The following MFHAS1 variants were observed in gnomAD, a reference collection of about 807,000 sequenced individuals.
The protein encoded by MFHAS1 is multifunctional ROCO family signaling regulator 1, also known as malignant fibrous histiocytoma-amplified sequence 1.
Under a neutral mutation model 70.4 loss-of-function variants are expected in MFHAS1, and 50 were observed. The observed-to-expected ratio is 0.71, with a 90% CI of 0.57 to 0.90. MFHAS1 has a LOEUF of 0.90. Ranked by LOEUF, MFHAS1 falls within the 40% of genes least tolerant of loss-of-function variation. MFHAS1 has a pLI of 0.00. For missense variants in MFHAS1, 1,795 were observed against 1,347.6 expected, an observed-to-expected ratio of 1.33 and a Z score of -5.20; for synonymous variants, 952 against 620.0, an observed-to-expected ratio of 1.54 and a Z score of -7.96.
chr8:8,806,682 C>T (rs866249282), intron 1 of MFHAS1, among the ~76,000 whole-genome samples: 2 of 152,110 alleles, frequency 1.3e-5, no homozygotes, highest in Non-Finnish European at 2.9e-5. Context: ...AGAAAGGGGC[C>T]GGGTCCGGTG....
At chr8:8,797,208 A>G (rs1248323562) in intron 2 of MFHAS1, among the ~76,000 whole-genome samples, 157 bp downstream of exon 2, 1 of 152,076 alleles carries the variant, frequency 6.6e-6, no homozygotes, top group Non-Finnish European at 1.5e-5. Flanking sequence ...TTTGCTGCAT[A>G]AATCATGATG....
At chr8:8,872,901 A>G (rs1809133611) in intron 1 of MFHAS1, among the ~76,000 whole-genome samples, 1 of 152,228 alleles carries the variant, frequency 6.6e-6, no homozygotes, top group Non-Finnish European at 1.5e-5. Context: ...TACATTCAAA[A>G]GAACACCTGC....
chr8:8,807,583 C>G (rs1379763842), intron 1 of MFHAS1, among the ~76,000 whole-genome samples: 2 of 152,150 alleles, frequency 1.3e-5, no homozygotes, highest in Admixed American at 6.5e-5. Flanking sequence ...TTCACTGAAC[C>G]TTCTTCTGAG....
intron 1 of MFHAS1, among the ~76,000 whole-genome samples, chr8:8,889,727 C>T (rs754892252): frequency 6.6e-6 from 1 of 152,216 alleles, no homozygotes; most frequent in Non-Finnish European, 1.5e-5. Flanking sequence ...ACATCGGACA[C>T]TGTCCAGAAT....
intron 1 of MFHAS1, among the ~76,000 whole-genome samples, chr8:8,802,590 G>A (rs903326343): frequency 6.6e-6 from 1 of 152,216 alleles, no homozygotes; most frequent in Non-Finnish European, 1.5e-5. Context: ...ACAGATTTCT[G>A]TTCCTTATAA....
chr8:8,806,905 G>C (rs1008956428), intron 1 of MFHAS1, among the ~76,000 whole-genome samples: 1 of 152,000 alleles, frequency 6.6e-6, no homozygotes, highest in South Asian at 2.1e-4. Context: ...AGGTTGCAGA[G>C]AGCCGAGATT....
intron 1 of MFHAS1, among the ~76,000 whole-genome samples, chr8:8,806,859 G>C (rs948392900): frequency 1.3e-5 from 2 of 152,170 alleles, no homozygotes; most frequent in African/African-American, 4.8e-5. Context: ...AACTTGGGAG[G>C]CTGAGGCAGG....
At chr8:8,846,936 G>C (rs1332234860) in intron 1 of MFHAS1, among the ~76,000 whole-genome samples, 1 of 152,094 alleles carries the variant, frequency 6.6e-6, no homozygotes, top group Non-Finnish European at 1.5e-5. Context: ...ACAAATGCTT[G>C]CAGAATGAAG....
chr8:8,866,384 T>A (rs1220048882), intron 1 of MFHAS1, among the ~76,000 whole-genome samples: 1 of 151,618 alleles, frequency 6.6e-6, no homozygotes, highest in Non-Finnish European at 1.5e-5. Context: ...GGTGGCGTAA[T>A]CTCAGCTCAC....
chr8:8,843,200 C>G (rs887328964), intron 1 of MFHAS1, among the ~76,000 whole-genome samples: 1 of 150,854 alleles, frequency 6.6e-6, no homozygotes, highest in Admixed American at 6.6e-5. Context: ...ACCCCGGAAG[C>G]GGAGCTTGCA....
chr8:8,858,980 TAC>T (rs1218282011), intron 1 of MFHAS1, among the ~76,000 whole-genome samples: 1 of 152,224 alleles, frequency 6.6e-6, no homozygotes, highest in Admixed American at 6.5e-5. Flanking sequence ...CAGCGGATGT[TAC>T]TTCTTACATA....
intron 1 of MFHAS1, among the ~76,000 whole-genome samples, chr8:8,882,151 C>G (rs112238714): frequency 1.3e-5 from 2 of 152,066 alleles, no homozygotes; most frequent in East Asian, 3.9e-4. Flanking sequence ...GAGGCCAAAG[C>G]GGGCAGACCA....
chr8:8,892,684 G>C lies in MFHAS1; in HGVS notation c.375C>G (p.Ala125=). The C allele has an allele frequency of 1.1e-5, 18 of 1,582,534 alleles. No homozygotes were observed. The highest frequency in any genetic ancestry group is 1.5e-5 in the Non-Finnish European group (18 of 1,164,342). ...GAGCACTCACCACCTCCGCGCCCAG[G>C]GCGGTCAGCCGGTTGTGGCTCACGT... ...ELDVSHNRLT[A]LGAEVVSALR... The change falls in exon 1 of 3, where the codon GCC becomes GCG. Residue 125 remains alanine, a synonymous_variant. Coordinates refer to ENST00000276282, the MANE Select transcript of MFHAS1 (RefSeq NM_004225.3). The surrounding 1 kb of genome is among the most constrained non-coding windows in gnomAD (Gnocchi z 4.7).
chr8:8,796,334 T>C (rs758594842), intron 2 of MFHAS1, among the ~76,000 whole-genome samples: 1 of 152,204 alleles, frequency 6.6e-6, no homozygotes, highest in Admixed American at 6.5e-5. Context: ...GCTTTGCTCA[T>C]GGAATGGGCC....
chr8:8,818,511 G>A (rs770912112), intron 1 of MFHAS1, among the ~76,000 whole-genome samples: 6 of 152,188 alleles, frequency 3.9e-5, no homozygotes, highest in Non-Finnish European at 8.8e-5. Flanking sequence ...TTATCCACTG[G>A]ATAACCCTGT....
At chr8:8,818,958 A>C (rs147119329) in intron 1 of MFHAS1, among the ~76,000 whole-genome samples, 15 of 152,316 alleles carry the variant, frequency 9.8e-5, no homozygotes, top group African/African-American at 3.6e-4. Flanking sequence ...CAAGGTATTT[A>C]TTCTACGGAT....
chr8:8,842,800 G>C (rs540734441), intron 1 of MFHAS1, among the ~76,000 whole-genome samples: 119 of 152,256 alleles, frequency 7.8e-4, no homozygotes, highest in African/African-American at 2.7e-3. Context: ...AGAAATCCCA[G>C]ACACTGCCTC....
intron 1 of MFHAS1, among the ~76,000 whole-genome samples, chr8:8,834,094 C>A (rs530784769): frequency 1.3e-5 from 2 of 151,802 alleles, no homozygotes; most frequent in East Asian, 3.9e-4. Context: ...CCACTGCACT[C>A]CAGCCTGGGC....
At chr8:8,807,285 T>C (rs560117212) in intron 1 of MFHAS1, among the ~76,000 whole-genome samples, 1 of 152,206 alleles carries the variant, frequency 6.6e-6, no homozygotes, top group African/African-American at 2.4e-5. Flanking sequence ...GCCTGACGAA[T>C]GTGACCACAC....
Sources: gnomAD v4.1 joint callset for allele counts (sites outside exome capture counted in the v4.1 genomes callset) on GRCh38, gnomAD v4.1.1 for gene constraint, Gnocchi (gnomAD v3.1) non-coding constraint, MANE v1.5 for transcripts, NCBI Gene and HGNC (gene_info 2026-07-23, HGNC 2026-07-21) for gene names.